Variants in AGMO observed in about 807,000 individuals in gnomAD.
AGMO encodes the protein alkylglycerol monooxygenase.
Under a neutral mutation model 60.2 loss-of-function variants are expected in AGMO, and 75 were observed. That is an observed-to-expected ratio of 1.25 (90% CI 1.03 to 1.51). AGMO has a LOEUF of 1.51. AGMO is among the 40% of genes most tolerant of loss of function. The pLI is 0.00. For missense variants in AGMO, 763 were observed against 525.5 expected (o/e 1.45, Z -4.42); for synonymous variants, 261 against 177.1 (o/e 1.47, Z -3.76).
chr7:15,251,641 G>A, intron 12 of AGMO, among the ~76,000 whole-genome samples: 1 of 152,196 alleles, frequency 6.6e-6, no homozygotes, highest in Non-Finnish European at 1.5e-5. Context: ...TCAATGGACT[G>A]CCCAGTCTAC....
At chr7:15,134,164 T>C in the AGMO span, among the ~76,000 whole-genome samples, 2 of 152,058 alleles carry the variant, frequency 1.3e-5, no homozygotes, top group Non-Finnish European at 2.9e-5. Context: ...AGGTATTTTA[T>C]TTTCTTTTTT....
rs527463907 is a variant in AGMO, at chr7:15,270,596, A to ATTTTTTTTTTTTTTTTTTTTTTTTTTTTT, written c.1264-69266_1264-69238dup. On this transcript the variant is annotated intron_variant, in intron 12 of 12. Coordinates refer to ENST00000342526, the MANE Select transcript of AGMO (RefSeq NM_001004320.2). ...ATTAAACAAATTTAATCTGTTGATA[A>ATTTTTTTTTTTTTTTTTTTTTTTTTTTTT]TTTTTTTTTTTTTTTTTTTTTTTTT... Among the ~76,000 whole-genome samples the ATTTTTTTTTTTTTTTTTTTTTTTTTTTTT allele has an allele frequency of 2.9e-4, 14 of 48,066 alleles. 1 individual carries two copies. The highest frequency in any genetic ancestry group is 4.9e-4 in the African/African-American group (6 of 12,170). 31.5% of individuals were successfully genotyped at this position (48,066 alleles called of 152,430 possible). A position where few individuals can be genotyped will look rare whatever the true frequency, so the allele number is the denominator to read the frequency against.
chr7:15,283,883 T>C (rs549248387), intron 12 of AGMO, among the ~76,000 whole-genome samples: 53 of 152,124 alleles, frequency 3.5e-4, no homozygotes, highest in African/African-American at 1.3e-3. Flanking sequence ...TCAAGTACCT[T>C]CTCAGACCAC....
intron 2 of AGMO, among the ~76,000 whole-genome samples, chr7:15,557,274 C>G (rs905586435): frequency 9.2e-5 from 14 of 152,028 alleles, no homozygotes; most frequent in African/African-American, 3.4e-4. Context: ...AATTATTATC[C>G]AAAGCATAAT....
chr7:15,386,108 T>A (rs745807834), intron 9 of AGMO, among the ~76,000 whole-genome samples: 2 of 151,730 alleles, frequency 1.3e-5, no homozygotes, highest in Non-Finnish European at 2.9e-5. Flanking sequence ...TTGAACCTGG[T>A]AGGCAGAGGC....
chr7:15,196,757 T>C (rs575662020), downstream of AGMO, among the ~76,000 whole-genome samples: 1 of 152,274 alleles, frequency 6.6e-6, no homozygotes, highest in Non-Finnish European at 1.5e-5. Context: ...AAGTTGTAAT[T>C]TGGGGCTTAC....
chr7:15,518,121 C>T (rs550329769), intron 3 of AGMO, among the ~76,000 whole-genome samples: 6 of 152,294 alleles, frequency 3.9e-5, no homozygotes, highest in African/African-American at 1.4e-4. Flanking sequence ...CTAGATTCCT[C>T]CTCTGTGGGC....
At position 15,225,175 on chromosome 7, in the gene AGMO, T is replaced by C. The variant is rs146512241; in HGVS notation, c.1264-23816A>G. On this transcript the variant is annotated intron_variant, in intron 12 of 12. Transcript: ENST00000342526. ...TTACCATCAGACGAACATTTTTCCA[T>C]GTGATTGCATAATCTTCAAAAATAA... is the stretch of plus-strand genomic sequence containing the variant. Among the ~76,000 whole-genome samples, 458 of 152,096 alleles carry C rather than the reference T, an allele frequency of 3.0e-3. 6 individuals are homozygous for C. The highest frequency in any genetic ancestry group is 0.011 in the African/African-American group (437 of 41,526).
chr7:15,185,905 C>T, the AGMO span, among the ~76,000 whole-genome samples: 1 of 152,170 alleles, frequency 6.6e-6, no homozygotes, highest in South Asian at 2.1e-4. Flanking sequence ...ATCCAGTCTT[C>T]TAAGTATAGC....
At chr7:15,330,803 C>A (rs946305714) in intron 12 of AGMO, among the ~76,000 whole-genome samples, 12 of 151,564 alleles carry the variant, frequency 7.9e-5, no homozygotes, top group Admixed American at 7.2e-4. Context: ...TCTTTCTAAG[C>A]CTCTCCTTAT....
At chr7:15,461,071 T>G (rs1246217213) in intron 3 of AGMO, among the ~76,000 whole-genome samples, 1 of 152,090 alleles carries the variant, frequency 6.6e-6, no homozygotes, top group Non-Finnish European at 1.5e-5. Context: ...GGCCCACTAT[T>G]GTTCAAAATG....
chr7:15,175,966 G>C, the AGMO span, among the ~76,000 whole-genome samples: 3 of 151,812 alleles, frequency 2.0e-5, no homozygotes, highest in Non-Finnish European at 4.4e-5. Flanking sequence ...ATTTATTACT[G>C]ATACATGGAA....
chr7:15,263,855 C>G (rs1315887464), intron 12 of AGMO, among the ~76,000 whole-genome samples: 1 of 151,992 alleles, frequency 6.6e-6, no homozygotes, highest in Admixed American at 6.6e-5. Context: ...CGTGTGGGAG[C>G]TAATCTATGA....
the AGMO span, among the ~76,000 whole-genome samples, chr7:15,133,977 C>T: frequency 6.6e-6 from 1 of 152,222 alleles, no homozygotes; most frequent in South Asian, 2.1e-4. Flanking sequence ...TTTTGCACAC[C>T]TTTCTGTTAT....
chr7:15,414,768 A>G (rs1780709209), intron 5 of AGMO, among the ~76,000 whole-genome samples: 1 of 152,234 alleles, frequency 6.6e-6, no homozygotes, highest in African/African-American at 2.4e-5. Flanking sequence ...ATGATAATCA[A>G]TAAATTGAGG....
chr7:15,432,146 T>A (rs73068536), intron 3 of AGMO, among the ~76,000 whole-genome samples: 26,454 of 151,384 alleles, frequency 0.17, 2,387 homozygotes, highest in Non-Finnish European at 0.2. Flanking sequence ...CCAGTATAGG[T>A]TAGAAATTAA....
chr7:15,340,617 G>C (rs1158469957), intron 12 of AGMO, among the ~76,000 whole-genome samples: 1 of 152,202 alleles, frequency 6.6e-6, no homozygotes, highest in Non-Finnish European at 1.5e-5. Flanking sequence ...TGGCTTCAGA[G>C]GGTGCCAGCC....
the AGMO span, among the ~76,000 whole-genome samples, chr7:15,142,542 C>T: frequency 6.6e-6 from 1 of 152,140 alleles, no homozygotes; most frequent in Admixed American, 6.6e-5. Flanking sequence ...GGTGTTGTCT[C>T]ATTAGTCTTT....
At chr7:15,204,184 T>C (rs1441256235) in intron 12 of AGMO, among the ~76,000 whole-genome samples, 1 of 152,134 alleles carries the variant, frequency 6.6e-6, no homozygotes, top group African/African-American at 2.4e-5. Context: ...AATGTATAGA[T>C]TCAAATATAT....
Sources: allele counts gnomAD v4.1 joint callset (sites outside exome capture counted in the v4.1 genomes callset), GRCh38; gene constraint gnomAD v4.1.1; transcripts MANE v1.5; gene names NCBI Gene and HGNC (gene_info 2026-07-23, HGNC 2026-07-21).